Variants in PRH1 observed in about 807,000 individuals in gnomAD.
The protein encoded by PRH1 is salivary acidic proline-rich phosphoprotein 1/2.
A neutral mutation model predicts 7.9 loss-of-function variants in PRH1; 7 were observed. That is an observed-to-expected ratio of 0.89 (90% confidence interval 0.50 to 1.67). The LOEUF (loss-of-function observed/expected upper bound fraction) is 1.67. Among genes scored for constraint, PRH1 ranks in the 40% most tolerant of loss-of-function variants. PRH1 has a pLI of 0.00. For synonymous variants in PRH1, 45 were observed against 80.8 expected (o/e 0.56, Z 2.38); for missense variants, 109 against 223.6 (o/e 0.49, Z 3.27).
intron 1 of PRH1, chr12:11,077,579 T>C: frequency 1.5e-6 from 2 of 1,292,724 alleles, no homozygotes; most frequent in Middle Eastern, 1.8e-4. Flanking sequence ...ATGTGGACCT[T>C]GGTGCTGAGA....
At chr12:11,152,013 G>T (rs1011219047) in intron 1 of PRH1, among the ~76,000 whole-genome samples, 1 of 150,784 alleles carries the variant, frequency 6.6e-6, no homozygotes, top group Admixed American at 6.6e-5. Flanking sequence ...TATTTTTACA[G>T]TCGGGTGTTT....
intron 1 of PRH1, among the ~76,000 whole-genome samples, chr12:11,057,656 C>A (rs1026841294): frequency 6.6e-6 from 1 of 152,192 alleles, no homozygotes; most frequent in African/African-American, 2.4e-5. Flanking sequence ...TGGCCTCTAC[C>A]AAAACCAGAT....
chr12:10,957,933 G>A (rs961443943), intron 2 of PRH1, among the ~76,000 whole-genome samples: 2 of 152,114 alleles, frequency 1.3e-5, no homozygotes, highest in African/African-American at 4.8e-5. Flanking sequence ...CAAGATTGTG[G>A]TGAAAGGGAA....
chr12:11,061,750 A>T lies in PRH1; in HGVS notation n.124-14562T>A, dbSNP rs781692057. ...CAGAGTGAAGGGAACTAAGTTTGCT[A>T]GGATGGTTACCGTTGTATTTGAAAG... On this transcript the variant is annotated intron_variant and non_coding_transcript_variant, in intron 1 of 4. Transcript: ENST00000541977. 80 of 1,614,014 alleles carry T rather than the reference A, an allele frequency of 5.0e-5. No individual in the cohort carries two copies. In the South Asian group the frequency reaches 8.1e-4, roughly 16 times the overall value.
intron 1 of PRH1, among the ~76,000 whole-genome samples, chr12:11,054,280 AC>A (rs1278138479): frequency 6.6e-6 from 1 of 152,128 alleles, no homozygotes; most frequent in African/African-American, 2.4e-5. Flanking sequence ...AGCAAAGAAT[AC>A]TCTCTTTTTG....
At chr12:10,884,726 A>G (rs1225576385), upstream of PRH1, among the ~76,000 whole-genome samples, 1 of 151,920 alleles carries the variant, frequency 6.6e-6, no homozygotes, top group East Asian at 1.9e-4. Context: ...GTGCGTGGAT[A>G]TTTTCACATT....
intron 1 of PRH1, chr12:10,986,082 A>G (rs1939605250): frequency 6.2e-7 from 1 of 1,613,990 alleles, no homozygotes; most frequent in African/African-American, 1.3e-5. Flanking sequence ...AACCATGACA[A>G]CCGGGTCATT....
chr12:10,889,335 G>A (rs1949538407), intron 2 of PRH1, among the ~76,000 whole-genome samples: 2 of 152,040 alleles, frequency 1.3e-5, no homozygotes, highest in South Asian at 4.1e-4. Flanking sequence ...TTAAATATTT[G>A]TGCTCCTTTC....
chr12:10,959,397 C>T (rs1182772416), intron 2 of PRH1, among the ~76,000 whole-genome samples: 1 of 151,912 alleles, frequency 6.6e-6, no homozygotes, highest in Admixed American at 6.6e-5. Context: ...GCATCATCAG[C>T]ACACAGAAAA....
chr12:10,883,619 G>A (rs1303979633), intron 1 of PRH1, among the ~76,000 whole-genome samples: 11 of 152,124 alleles, frequency 7.2e-5, no homozygotes, highest in Non-Finnish European at 1.6e-4. Context: ...ATAATCTTAC[G>A]CATGCCATTC....
chr12:11,111,731 C>T (rs1945595816), intron 1 of PRH1, among the ~76,000 whole-genome samples: 2 of 152,114 alleles, frequency 1.3e-5, no homozygotes, highest in African/African-American at 4.8e-5. Context: ...CCTAGCATCA[C>T]AATTAAAAGA....
intron 1 of PRH1, among the ~76,000 whole-genome samples, chr12:11,125,340 C>G (rs1946079161): frequency 6.6e-6 from 1 of 152,278 alleles, no homozygotes; most frequent in African/African-American, 2.4e-5. Context: ...GTTCCACTTT[C>G]CTATGAACTT....
rs952130220 is a variant in PRH1, at chr12:11,046,939, A to G, written c.-126+81T>C. 6.7e-6 allele frequency: 3 copies of G among 448,114 alleles called. No individual in the cohort carries two copies. The Admixed American group carries it at 7.1e-5, about 11-fold the overall frequency. 27.8% of individuals were successfully genotyped at this position (448,114 alleles called of 1,614,324 possible). A position where few individuals can be genotyped will look rare whatever the true frequency, so the allele number is the denominator to read the frequency against. Reference sequence around the variant, plus strand: ...CATCCGGAGATGATACATTTGTATCAGGATGAAATTGGAAAAGGGAGCACA... The same window carrying G: ...CATCCGGAGATGATACATTTGTATCGGGATGAAATTGGAAAAGGGAGCACA... On this transcript the variant is annotated intron_variant, in intron 1 of 3. Coordinates refer to the PRH1 transcript ENST00000539853.
intron 2 of PRH1, among the ~76,000 whole-genome samples, chr12:10,897,756 A>AGAG (rs1949668759): frequency 6.6e-6 from 1 of 152,060 alleles, no homozygotes; most frequent in Admixed American, 6.6e-5. Context: ...TCTTGTGATA[A>AGAG]CTCACTCACT....
chr12:11,165,232 T>C (rs779121613), intron 1 of PRH1, among the ~76,000 whole-genome samples: 4 of 152,226 alleles, frequency 2.6e-5, no homozygotes, highest in East Asian at 1.9e-4. Flanking sequence ...ACCAGTAATG[T>C]ATGAGGATTC....
intron 2 of PRH1, among the ~76,000 whole-genome samples, chr12:10,903,691 G>GA (rs1257826385): frequency 1.5e-4 from 22 of 147,236 alleles, no homozygotes; most frequent in Non-Finnish European, 2.6e-4. Context: ...AATCAGGCAA[G>GA]AAAAAAAAAG....
chr12:11,012,966 A>G (rs1941132580), intron 1 of PRH1, among the ~76,000 whole-genome samples: 1 of 152,158 alleles, frequency 6.6e-6, no homozygotes, highest in Non-Finnish European at 1.5e-5. Flanking sequence ...AATTCATCAC[A>G]GAGTTGTACA....
At position 10,997,149 on chromosome 12, in the gene PRH1, G is replaced by A; in HGVS notation, c.-125-23428C>T. 1.9e-6 allele frequency: 3 copies of A among 1,614,048 alleles called. 1 individual carries two copies. The highest frequency in any genetic ancestry group is 8.5e-7 in the Non-Finnish European group (1 of 1,179,964). On this transcript the variant is annotated intron_variant, in intron 1 of 3. Transcript: ENST00000539853. ...TTCCAAAACGATATGATTAGACACA[G>A]AAAGTAAATGGCAAGTAATATGAGG...
intron 1 of PRH1, among the ~76,000 whole-genome samples, chr12:11,108,760 G>C (rs1193443889): frequency 6.6e-6 from 1 of 152,176 alleles, no homozygotes; most frequent in Non-Finnish European, 1.5e-5. Context: ...CAGACACCAA[G>C]CTAGCTGCAG....
Sources: allele counts gnomAD v4.1 joint callset (sites outside exome capture counted in the v4.1 genomes callset), GRCh38; gene constraint gnomAD v4.1.1; transcripts MANE v1.5; gene names NCBI Gene and HGNC (gene_info 2026-07-23, HGNC 2026-07-21).